ZNF728: variants seen among roughly 807,000 people sequenced by gnomAD.
ZNF728 encodes the protein zinc finger protein 728.
Under a neutral mutation model 12.5 loss-of-function variants are expected in ZNF728, and 12 were observed. The ratio of observed to expected loss-of-function variants is 0.96; its 90% confidence interval spans 0.61 to 1.55. ZNF728 has a LOEUF of 1.55. Ranked by LOEUF, ZNF728 falls within the 40% of genes most tolerant of loss-of-function variation. The pLI, the probability that ZNF728 is intolerant of heterozygous loss-of-function variation, is 0.00. For missense variants in ZNF728, 692 were observed against 719.2 expected, an observed-to-expected ratio of 0.96 and a Z score of 0.43; for synonymous variants, 205 against 240.7, an observed-to-expected ratio of 0.85 and a Z score of 1.37.
At chr19:23,001,888 G>C (rs767904357) in intron 1 of ZNF728, among the ~76,000 whole-genome samples, 3 of 152,164 alleles carry the variant, frequency 2.0e-5, no homozygotes, top group Non-Finnish European at 4.4e-5. Flanking sequence ...TAGGGGATGG[G>C]GGATGGACTT....
At chr19:22,999,451 G>T (rs1012172440) in intron 1 of ZNF728, among the ~76,000 whole-genome samples, 1 of 152,078 alleles carries the variant, frequency 6.6e-6, no homozygotes, top group Non-Finnish European at 1.5e-5. Context: ...TTCTTCCATG[G>T]CTGGGGTAAG....
chr19:22,989,383 C>T (rs2145344751), intron 1 of ZNF728, among the ~76,000 whole-genome samples: 1 of 152,280 alleles, frequency 6.6e-6, no homozygotes, highest in African/African-American at 2.4e-5. Flanking sequence ...CAAAGATTCT[C>T]ATCTTCATTT....
At chr19:23,000,106 C>T (rs1176350067) in intron 1 of ZNF728, among the ~76,000 whole-genome samples, 4 of 152,142 alleles carry the variant, frequency 2.6e-5, no homozygotes, top group South Asian at 2.1e-4. Context: ...TGGTGGCTTA[C>T]GCCTGTAATC....
chr19:22,988,148 A>G (rs1968938857), intron 2 of ZNF728, among the ~76,000 whole-genome samples, 177 bp downstream of exon 2: 1 of 151,962 alleles, frequency 6.6e-6, no homozygotes, highest in Admixed American at 6.6e-5. Context: ...GAAGGGCTAT[A>G]GAAGCTCAGG....
intron 3 of ZNF728, among the ~76,000 whole-genome samples, chr19:22,981,789 T>A (rs1038470235): frequency 1.3e-5 from 2 of 152,138 alleles, no homozygotes; most frequent in African/African-American, 4.8e-5. Flanking sequence ...CACATGATTA[T>A]CTCAATAGAT....
At chr19:22,978,977 C>G (rs1436992448) in intron 3 of ZNF728, among the ~76,000 whole-genome samples, 1 of 152,114 alleles carries the variant, frequency 6.6e-6, no homozygotes, top group Admixed American at 6.6e-5. Flanking sequence ...AACTCCTCAC[C>G]AGCAAACAAA....
chr19:22,988,965 C>G (rs374586715), intron 1 of ZNF728, among the ~76,000 whole-genome samples: 1 of 147,240 alleles, frequency 6.8e-6, no homozygotes, highest in Non-Finnish European at 1.5e-5. Flanking sequence ...GCAGGAGAAT[C>G]GCTTGAACCC....
In ZNF728 at chr19:22,987,357, T is replaced by A; in HGVS notation, c.177A>T (p.Gly59=). ...GTCTCTTCATATTCCAGGGCTCTTT[T>A]CCTTGCTCCAGAAAAATGATCAGGT... ...KPDLIIFLEQ[G]KEPWNMKRHE... Residue 59 remains glycine, a synonymous_variant, in exon 3 of 4, where the codon GGA becomes GGT. Transcript: ENST00000594710. The A allele has an allele frequency of 6.2e-7, 1 of 1,612,618 alleles. No individual in the cohort carries two copies. The highest frequency in any genetic ancestry group is 8.5e-7 in the Non-Finnish European group (1 of 1,179,342).
chr19:23,000,948 C>T (rs1409704584), intron 1 of ZNF728, among the ~76,000 whole-genome samples: 5 of 149,916 alleles, frequency 3.3e-5, no homozygotes, highest in South Asian at 4.2e-4. Flanking sequence ...TGTCAAGGTA[C>T]GGATATGTCT....
At chr19:22,980,302 A>G (rs189841924) in intron 3 of ZNF728, among the ~76,000 whole-genome samples, 2 of 152,288 alleles carry the variant, frequency 1.3e-5, no homozygotes, top group Non-Finnish European at 2.9e-5. Flanking sequence ...ACATAATGGT[A>G]AAGGGGTCAA....
At position 22,975,824 on chromosome 19, in the gene ZNF728, C is replaced by T. The variant is rs1165595479; in HGVS notation, c.1513G>A (p.Glu505Lys). Residue 505 changes from glutamate to lysine, a missense_variant, in exon 4 of 4, where the codon GAG (glutamate) becomes AAG (lysine). Glu to Lys is a moderately conservative substitution (Grantham distance 56). This residue lies in a region of ZNF728 where 244 missense variants were observed against 235.2 expected (regional missense o/e 1.04). Coordinates refer to ENST00000594710, the MANE Select transcript of ZNF728 (RefSeq NM_001267716.2). ...CATTCTTCACATTTGTAGGGTTTCT[C>T]TCCAGTATGAATTCTCTTATGTTCC... is the stretch of plus-strand genomic sequence containing the variant. ...LMEHKRIHTG[E>K]KPYKCEECGK... 1.2e-5 allele frequency: 19 copies of T among 1,612,084 alleles called. No homozygotes were observed. Among genetic ancestry groups the T allele is most frequent in the Admixed American group, 5.0e-5 (3 of 59,912 alleles).
chr19:22,989,304 A>G (rs1359392176), intron 1 of ZNF728, among the ~76,000 whole-genome samples: 1 of 152,070 alleles, frequency 6.6e-6, no homozygotes, highest in African/African-American at 2.4e-5. Context: ...TTGGCCCAAA[A>G]AGACTATTTT....
rs113210594 is a variant in ZNF728, at chr19:22,990,463, G to T, written c.4-2012C>A. Among the ~76,000 whole-genome samples the T allele has an allele frequency of 6.4e-3, 979 of 152,222 alleles. 10 individuals are homozygous for T. Among genetic ancestry groups the T allele is most frequent in the African/African-American group, 0.022 (922 of 41,538 alleles). ...CCCAATTCTGTCCTTTATAGCAGAA[G>T]AGATGAAGAAACAATGAGTAGCTCC... On this transcript the variant is annotated intron_variant, in intron 1 of 3. Transcript: ENST00000594710.
intron 3 of ZNF728, among the ~76,000 whole-genome samples, chr19:22,983,082 G>A (rs141971719): frequency 0.022 from 3,271 of 151,854 alleles, 74 homozygotes; most frequent in East Asian, 0.12. Context: ...CAACCTACAG[G>A]ATGGGAGAAA....
chr19:22,985,989 C>G (rs2145340557), intron 3 of ZNF728, among the ~76,000 whole-genome samples: 1 of 152,324 alleles, frequency 6.6e-6, no homozygotes, highest in South Asian at 2.1e-4. Flanking sequence ...AGGATATTTA[C>G]TCTGTCCAAA....
At chr19:22,977,934 A>G (rs1339638812) in intron 3 of ZNF728, among the ~76,000 whole-genome samples, 4 of 152,166 alleles carry the variant, frequency 2.6e-5, no homozygotes, top group Non-Finnish European at 4.4e-5. Flanking sequence ...TACTAATTTT[A>G]AAGATTGAAT....
At chr19:22,979,697 G>A (rs751314614) in intron 3 of ZNF728, among the ~76,000 whole-genome samples, 6 of 152,148 alleles carry the variant, frequency 3.9e-5, no homozygotes, top group South Asian at 2.1e-4. Context: ...AAGAGACTGG[G>A]AGCCAATATT....
chr19:23,002,387 AAACTGCCAATTAACCTCTGATTACAT>A (rs1197257917), intron 1 of ZNF728, among the ~76,000 whole-genome samples: 26 of 152,192 alleles, frequency 1.7e-4, no homozygotes, highest in Non-Finnish European at 2.6e-4. Context: ...AACAAACTAT[AAACTGCCAATTAACCTCTGATTACAT>A]AACCAAGAAA....
chr19:22,996,792 T>A (rs1204848166), intron 1 of ZNF728, among the ~76,000 whole-genome samples: 1 of 152,148 alleles, frequency 6.6e-6, no homozygotes, highest in Non-Finnish European at 1.5e-5. Context: ...TTTTAAAAAA[T>A]TAACAAGTTA....
Sources: gnomAD v4.1 joint callset for allele counts (sites outside exome capture counted in the v4.1 genomes callset) on GRCh38, gnomAD v4.1.1 for gene constraint, gnomAD v4.1.1 regional missense constraint, MANE v1.5 for transcripts, NCBI Gene and HGNC (gene_info 2026-07-23, HGNC 2026-07-21) for gene names.